DLGAP2: variants seen among roughly 807,000 people sequenced by gnomAD.
DLGAP2 encodes the protein disks large-associated protein 2.
A neutral mutation model predicts 100.3 loss-of-function variants in DLGAP2; 26 were observed. The ratio of observed to expected loss-of-function variants is 0.26; its 90% CI spans 0.19 to 0.36. DLGAP2 has a LOEUF of 0.36. Ranked by LOEUF, DLGAP2 falls within the 10% of genes least tolerant of loss-of-function variation. The pLI, the probability that DLGAP2 is intolerant of heterozygous loss-of-function variation, is 1.00. For synonymous variants in DLGAP2, 886 were observed against 630.1 expected (o/e 1.41, Z -6.08); for missense variants, 1,858 against 1,453.2 (o/e 1.28, Z -4.53).
rs1054306840 is a variant in DLGAP2, at chr8:1,283,696, T to C, written c.106+24813T>C. ...TGTCACCTAACAAGCATTTTGAAAA[T>C]GTTCATGCCCTTTGGTCTTGTCACT... On this transcript the variant is annotated intron_variant, in intron 3 of 14. Transcript: ENST00000637795. Among the ~76,000 whole-genome samples, 6 of 152,242 alleles carry C rather than the reference T, an allele frequency of 3.9e-5. 1 individual carries two copies. Among genetic ancestry groups the C allele is most frequent in the African/African-American group, 1.4e-4 (6 of 41,472 alleles).
At chr8:1,667,717 T>G (rs1798580646) in intron 8 of DLGAP2, among the ~76,000 whole-genome samples, 1 of 152,244 alleles carries the variant, frequency 6.6e-6, no homozygotes, top group Non-Finnish European at 1.5e-5. Flanking sequence ...AGATTCCATC[T>G]TGACCTATGC....
intron 1 of DLGAP2, among the ~76,000 whole-genome samples, chr8:829,226 G>A (rs1024736511): frequency 6.6e-6 from 1 of 152,186 alleles, no homozygotes; most frequent in African/African-American, 2.4e-5. Flanking sequence ...AAATAAAGTG[G>A]AGGCAGAATG....
chr8:902,939 G>A (rs1383786214), intron 1 of DLGAP2, among the ~76,000 whole-genome samples: 1 of 74,070 alleles, frequency 1.4e-5, no homozygotes, highest in Admixed American at 1.4e-4. Context: ...AACGTGGGCA[G>A]GTGGGTGGGG....
At chr8:949,387 C>T (rs1799417903) in intron 2 of DLGAP2, among the ~76,000 whole-genome samples, 3 of 152,288 alleles carry the variant, frequency 2.0e-5, no homozygotes, top group African/African-American at 7.2e-5. Context: ...TTTAGAGCCA[C>T]GGATTGGCTG....
intron 2 of DLGAP2, among the ~76,000 whole-genome samples, chr8:998,464 C>G (rs904093750): frequency 6.8e-6 from 1 of 147,216 alleles, no homozygotes; most frequent in Non-Finnish European, 1.5e-5. Context: ...CTATGCCCAG[C>G]TAATTTTTTT....
intron 1 of DLGAP2, among the ~76,000 whole-genome samples, chr8:762,101 C>G (rs971776830): frequency 4.6e-5 from 7 of 152,192 alleles, no homozygotes; most frequent in African/African-American, 1.4e-4. Context: ...TCACAGAACT[C>G]CTGTGTGTCT....
chr8:938,744 C>T lies in DLGAP2; in HGVS notation c.73+30778C>T, dbSNP rs116872990. On this transcript the variant is annotated intron_variant, in intron 2 of 14. Coordinates refer to ENST00000637795, the MANE Select transcript of DLGAP2 (RefSeq NM_001346810.2). ...GCCTGGCTGTGAGGTGGTGTGGGCA[C>T]GGCCAGCCAATGTTTCAGCCCTGTG... Among the ~76,000 whole-genome samples, 1,321 of 152,238 alleles carry T rather than the reference C, an allele frequency of 8.7e-3. 33 individuals carry two copies. Among genetic ancestry groups the T allele is most frequent in the East Asian group, 0.085 (437 of 5,160 alleles).
intron 3 of DLGAP2, among the ~76,000 whole-genome samples, chr8:1,352,647 C>A (rs575194956): frequency 6.6e-6 from 1 of 152,300 alleles, no homozygotes; most frequent in South Asian, 2.1e-4. Flanking sequence ...GAGGTAAAGA[C>A]TCGAACCCTG....
At chr8:1,307,862 C>G (rs7008108) in intron 3 of DLGAP2, among the ~76,000 whole-genome samples, 10,502 of 151,978 alleles carry the variant, frequency 0.069, 683 homozygotes, top group African/African-American at 0.17. Context: ...GGGGACTGGG[C>G]GCTGGAGGGA....
chr8:982,078 G>C (rs1305944394), intron 2 of DLGAP2, among the ~76,000 whole-genome samples: 2 of 152,210 alleles, frequency 1.3e-5, no homozygotes, highest in African/African-American at 4.8e-5. Flanking sequence ...CACAGCATGG[G>C]ACAGGTTAGT....
intron 4 of DLGAP2, among the ~76,000 whole-genome samples, chr8:1,516,544 T>C (rs1183890592): frequency 4.0e-5 from 6 of 150,700 alleles, no homozygotes; most frequent in Non-Finnish European, 3.0e-5. Flanking sequence ...AGTGAGTGCA[T>C]GAATGAGTGA....
chr8:1,173,585 T>C (rs1797180041), intron 2 of DLGAP2, among the ~76,000 whole-genome samples: 1 of 152,120 alleles, frequency 6.6e-6, no homozygotes. Context: ...GCCTGGGCAA[T>C]GGTGGGCGCC....
At chr8:846,016 A>G (rs1048460427) in intron 1 of DLGAP2, among the ~76,000 whole-genome samples, 1 of 152,236 alleles carries the variant, frequency 6.6e-6, no homozygotes. Flanking sequence ...GTTTGAAAAT[A>G]ATACTTATAC....
chr8:1,552,353 C>G (rs774451056), intron 5 of DLGAP2, among the ~76,000 whole-genome samples: 3 of 152,244 alleles, frequency 2.0e-5, no homozygotes, highest in Non-Finnish European at 4.4e-5. Context: ...AGTGAAACCA[C>G]CTCTTCGGGG....
intron 3 of DLGAP2, among the ~76,000 whole-genome samples, chr8:1,466,775 G>C (rs937724811): frequency 1.3e-5 from 2 of 152,256 alleles, no homozygotes; most frequent in South Asian, 2.1e-4. Context: ...GGTGTGATGT[G>C]GTTGGTGAGA....
chr8:1,658,754 C>G (rs1270628216), intron 8 of DLGAP2, among the ~76,000 whole-genome samples: 1 of 152,150 alleles, frequency 6.6e-6, no homozygotes, highest in Non-Finnish European at 1.5e-5. Context: ...ATTAGTCTGG[C>G]TACCGGTCCA....
intron 5 of DLGAP2, 36 bp from the exon 6 acceptor site, chr8:1,565,647 A>G: frequency 6.4e-7 from 1 of 1,563,398 alleles, no homozygotes; most frequent in Non-Finnish European, 8.7e-7. Flanking sequence ...TCTCAGTGAC[A>G]AAGTTGATGC....
intron 2 of DLGAP2, among the ~76,000 whole-genome samples, chr8:1,069,720 G>T (rs747225417): frequency 5.7e-4 from 87 of 152,254 alleles, no homozygotes; most frequent in Non-Finnish European, 7.3e-4. Flanking sequence ...AGTTATTTGT[G>T]CTCGCCAAAT....
At position 843,668 on chromosome 8, in the gene DLGAP2, A is replaced by G. The variant is rs189353324; in HGVS notation, c.19-64244A>G. Among the ~76,000 whole-genome samples, 718 of 152,230 alleles carry G rather than the reference A, an allele frequency of 4.7e-3. 25 individuals carry two copies. The highest frequency in any genetic ancestry group is 0.043 in the Admixed American group (659 of 15,306). On this transcript the variant is annotated intron_variant, in intron 1 of 14. Coordinates refer to ENST00000637795, the MANE Select transcript of DLGAP2 (RefSeq NM_001346810.2). ...CTGTAAATGGTTTTTGGGTTTTGCT[A>G]TCTTGTTGCTTTGTGTGATGTGATG...
Sources: gnomAD v4.1 joint callset for allele counts (sites outside exome capture counted in the v4.1 genomes callset) on GRCh38, gnomAD v4.1.1 for gene constraint, MANE v1.5 for transcripts, NCBI Gene and HGNC (gene_info 2026-07-23, HGNC 2026-07-21) for gene names.